Variants in VPS9D1 observed in about 807,000 individuals in gnomAD.
The protein encoded by VPS9D1 is VPS9 domain containing 1.
In VPS9D1, 78 loss-of-function variants were observed where a neutral mutation model predicts 75.8. The ratio of observed to expected loss-of-function variants is 1.03; its 90% CI spans 0.86 to 1.24. VPS9D1 has a LOEUF of 1.24. Ranked by LOEUF, VPS9D1 falls within the 50% of genes most tolerant of loss-of-function variation. VPS9D1 has a pLI of 0.00. For synonymous variants in VPS9D1, 481 were observed against 385.6 expected (o/e 1.25, Z -2.90); for missense variants, 1,057 against 847.7 (o/e 1.25, Z -3.07).
intron 9 of VPS9D1, 124 bp downstream of exon 9, chr16:89,711,203 C>T: frequency 8.2e-7 from 1 of 1,214,088 alleles, no homozygotes; most frequent in East Asian, 2.6e-5. Context: ...AAGGGAGCTG[C>T]AGTGTCCACG....
rs1174452793 is a variant in VPS9D1, at chr16:89,708,425, A to G, written c.1802+2T>C. The G allele has an allele frequency of 1.9e-6, 3 of 1,610,196 alleles. 1 individual carries two copies. Among genetic ancestry groups the G allele is most frequent in the Admixed American group, 3.4e-5 (2 of 59,590 alleles). On this transcript the variant is annotated splice_donor_variant, in intron 14 of 14. Transcript: ENST00000389386. LOFTEE classifies it high-confidence loss of function. ...CCCCCACCCTGACCCGCCAGGGTCT[A>G]CCCCTCGTGGATGAACTCCTCCAGG...
intron 8 of VPS9D1, 111 bp downstream of exon 8, chr16:89,711,771 T>TC: frequency 8.7e-7 from 1 of 1,149,074 alleles, no homozygotes; most frequent in Non-Finnish European, 1.2e-6. Flanking sequence ...GCCCCCTCAC[T>TC]GCCCCCCACA....
chr16:89,719,724 G>A (rs2151646665), intron 1 of VPS9D1, among the ~76,000 whole-genome samples: 1 of 152,182 alleles, frequency 6.6e-6, no homozygotes, highest in South Asian at 2.1e-4. Context: ...ATGGTGGTTT[G>A]TTTTGTTTTG....
intron 4 of VPS9D1, 108 bp downstream of exon 4, chr16:89,716,354 A>G: frequency 6.7e-7 from 1 of 1,497,986 alleles, no homozygotes; most frequent in Admixed American, 1.9e-5. Flanking sequence ...TGACAGAGTG[A>G]GACTCTGTCT....
At chr16:89,712,288 G>T in intron 6 of VPS9D1, 172 bp downstream of exon 6, 1 of 1,321,886 alleles carries the variant, frequency 7.6e-7, no homozygotes, top group Non-Finnish European at 1.0e-6. Context: ...AGAACATGGG[G>T]GACGGCGGCC....
At chr16:89,716,344 T>C (rs1420298780) in intron 4 of VPS9D1, 118 bp downstream of exon 4, 9 of 1,443,278 alleles carry the variant, frequency 6.2e-6, no homozygotes, top group African/African-American at 5.7e-5. Context: ...CCAGCCTGGG[T>C]GACAGAGTGA....
chr16:89,709,751 A>G, intron 11 of VPS9D1, 26 bp downstream of exon 11: 4 of 1,613,160 alleles, frequency 2.5e-6, no homozygotes, highest in Non-Finnish European at 3.4e-6. Flanking sequence ...TAGGCCACGC[A>G]GGTGGTTGTA....
In VPS9D1 at chr16:89,711,832, C is replaced by G. The variant is rs754585750; in HGVS notation, c.747+50G>C. 2.9e-4 allele frequency: 439 copies of G among 1,536,634 alleles called. 1 individual carries two copies. Among genetic ancestry groups the G allele is most frequent in the Non-Finnish European group, 3.8e-4 (427 of 1,137,048 alleles). ...GCCCACCCAGGCGGCTCTGACCCCGCCCCCCTCGCTGGGCTCCTCCTACAA... is the reference window on the plus strand; with the variant it reads ...GCCCACCCAGGCGGCTCTGACCCCGGCCCCCTCGCTGGGCTCCTCCTACAA... On this transcript the variant is annotated intron_variant, in intron 8 of 14. Coordinates refer to ENST00000389386, the MANE Select transcript of VPS9D1 (RefSeq NM_004913.3).
rs754254812 is a variant in VPS9D1 at position 89,709,821 on chromosome 16, T to C, written c.1344A>G (p.Glu448=). Residue 448 remains glutamate, a synonymous_variant, in exon 11 of 15, where the codon GAA becomes GAG. Coordinates refer to ENST00000389386, the MANE Select transcript of VPS9D1 (RefSeq NM_004913.3). ...SKDRCLACIE[E]PFFSPLWPLL... ...GAGGCCACAGCGGGGAGAAAAAGGGTTCCTCAATGCAGGCCAGGCAGCGGT... is the reference window on the plus strand; with the variant it reads ...GAGGCCACAGCGGGGAGAAAAAGGGCTCCTCAATGCAGGCCAGGCAGCGGT... The C allele has an allele frequency of 1.2e-6, 2 of 1,612,790 alleles. No individual in the cohort carries two copies. The highest frequency in any genetic ancestry group is 1.7e-6 in the Non-Finnish European group (2 of 1,179,626).
At chr16:89,716,348 A>G in intron 4 of VPS9D1, 114 bp downstream of exon 4, 1 of 1,479,928 alleles carries the variant, frequency 6.8e-7, no homozygotes. Flanking sequence ...CCTGGGTGAC[A>G]GAGTGAGACT....
intron 4 of VPS9D1, among the ~76,000 whole-genome samples, 194 bp downstream of exon 4, chr16:89,716,268 A>G (rs1406560007): frequency 6.6e-6 from 1 of 152,080 alleles, no homozygotes; most frequent in African/African-American, 2.4e-5. Context: ...TGGGAGGCTG[A>G]GGCAGAAGAA....
Position 89,715,591 on chromosome 16 carries a change from G to A in VPS9D1, c.431+871C>T, listed in dbSNP as rs531471061. ...AGCTGGAGTGCACTGGCACAATCACGGCTCACTGCACCCTCAACCTGTCAG... is the reference window on the plus strand; with the variant it reads ...AGCTGGAGTGCACTGGCACAATCACAGCTCACTGCACCCTCAACCTGTCAG... On this transcript the variant is annotated intron_variant, in intron 4 of 14. Coordinates refer to ENST00000389386, the MANE Select transcript of VPS9D1 (RefSeq NM_004913.3). 5.4e-5 allele frequency among the ~76,000 whole-genome samples: 8 copies of A among 148,606 alleles called. No homozygotes were observed. In the South Asian group the frequency reaches 1.3e-3, roughly 24 times the overall value.
intron 2 of VPS9D1, chr16:89,717,306 G>A (rs1258193271): frequency 1.2e-5 from 4 of 345,252 alleles, no homozygotes; most frequent in East Asian, 1.5e-4. Flanking sequence ...ACCCTAAACA[G>A]GCCTTTAGTG....
At position 89,717,632 on chromosome 16, in the gene VPS9D1, G is replaced by A. The variant is rs754968584; in HGVS notation, c.176-810C>T. ...CTCATCCCGCCCCGATTTAGCCCCC[G>A]ACTCCCCCCGGAAACTGCCCTTACC... is the stretch of plus-strand genomic sequence containing the variant. On this transcript the variant is annotated intron_variant, in intron 2 of 14. Transcript: ENST00000389386. The A allele has an allele frequency of 1.9e-4, 87 of 451,162 alleles. 1 individual carries two copies. Among genetic ancestry groups the A allele is most frequent in the Admixed American group, 6.4e-4 (27 of 42,158 alleles). 27.9% of individuals were successfully genotyped at this position (451,162 alleles called of 1,614,324 possible).
intron 6 of VPS9D1, 176 bp from the exon 7 acceptor site, chr16:89,712,275 C>G: frequency 7.6e-7 from 1 of 1,321,256 alleles, no homozygotes. Context: ...AGGGCCGGGC[C>G]AGAGAACATG....
At position 89,712,530 on chromosome 16, in the gene VPS9D1, G is replaced by A; in HGVS notation, c.544-8C>T. The A allele has an allele frequency of 6.2e-7, 1 of 1,611,998 alleles. No homozygotes were observed. The highest frequency in any genetic ancestry group is 8.5e-7 in the Non-Finnish European group (1 of 1,179,728). The stretch of plus-strand genomic sequence containing the variant: ...CCGCTGTAGAGAGAGGGTCTGGGGG[G>A]GGAGGAGGGAGTAAGGCCGACTCCC... On this transcript the variant is annotated splice_polypyrimidine_tract_variant and splice_region_variant and intron_variant, in intron 5 of 14. Transcript: ENST00000389386.
In VPS9D1 at chr16:89,720,871, C is replaced by T; in HGVS notation, c.-10G>A. ...CGGCCGCAGCGGCCATGGCGCCGAG[C>T]GGGGGAGGCGGCGGCGGTAGCCGAG... On this transcript the variant is annotated 5_prime_UTR_variant, in exon 1 of 15. Transcript: ENST00000389386. 7.4e-7 allele frequency: 1 copy of T among 1,357,898 alleles called. No individual in the cohort carries two copies. Among genetic ancestry groups the T allele is most frequent in the South Asian group, 1.7e-5 (1 of 57,556 alleles). 84.1% of individuals were successfully genotyped at this position (1,357,898 alleles called of 1,614,324 possible).
rs1274613164 is a variant in VPS9D1, at chr16:89,720,815, G to A, written c.47C>T (p.Ala16Val). The change falls in exon 1 of 15, where the codon GCC becomes GTC. Residue 16 changes from alanine (A) to valine (V), a missense_variant. Ala to Val is a moderately conservative substitution (Grantham distance 64). Coordinates refer to ENST00000389386, the MANE Select transcript of VPS9D1 (RefSeq NM_004913.3). Reference protein sequence around the residue: ...GDGTVKPLQSAMKLANGAIEL... With the variant: ...GDGTVKPLQSVMKLANGAIEL... ...GATGGCCCCGTTGGCAAGCTTCATG[G>A]CGCTCTGCAGCGGCTTCACCGTGCC... The A allele has an allele frequency of 1.4e-6, 2 of 1,455,990 alleles. No individual in the cohort carries two copies. Among genetic ancestry groups the A allele is most frequent in the Non-Finnish European group, 1.8e-6 (2 of 1,100,514 alleles). The allele number at this position is 1,455,990 out of a possible 1,614,324, so 90.2% of individuals were successfully genotyped here. A position where few individuals can be genotyped will look rare whatever the true frequency, so the allele number is the denominator to read the frequency against.
chr16:89,711,180 C>T, intron 9 of VPS9D1, 147 bp downstream of exon 9: 3 of 1,128,516 alleles, frequency 2.7e-6, no homozygotes, highest in Non-Finnish European at 2.5e-6. Context: ...GCCGAGGAAA[C>T]GCCCTCAGCG....
Sources: gnomAD v4.1 joint callset for allele counts (sites outside exome capture counted in the v4.1 genomes callset) on GRCh38, gnomAD v4.1.1 for gene constraint, MANE v1.5 for transcripts, NCBI Gene and HGNC (gene_info 2026-07-23, HGNC 2026-07-21) for gene names.